The following DCHS2 variants were observed in gnomAD, a reference collection of about 807,000 sequenced individuals.
The protein encoded by DCHS2 is protocadherin-23.
Under a neutral mutation model 182.4 loss-of-function variants are expected in DCHS2, and 142 were observed. That is an observed-to-expected ratio of 0.78 (90% CI 0.68 to 0.89). DCHS2 has a LOEUF of 0.89. Among genes scored for constraint, DCHS2 ranks in the 40% least tolerant of loss-of-function variants. The pLI is 0.00. For missense variants in DCHS2, 4,319 were observed against 4,198.6 expected, an observed-to-expected ratio of 1.03 and a Z score of -0.79; for synonymous variants, 1,740 against 1,663.3, an observed-to-expected ratio of 1.05 and a Z score of -1.12.
intron 13 of DCHS2, among the ~76,000 whole-genome samples, chr4:154,275,193 T>A (rs181397284): frequency 2.0e-3 from 304 of 151,896 alleles, no homozygotes; most frequent in African/African-American, 5.2e-3. Context: ...AGGAAACAAG[T>A]GTGATATTGC....
chr4:154,328,083 T>C lies in DCHS2; in HGVS notation c.4018+10A>G. 3.8e-6 allele frequency: 6 copies of C among 1,583,438 alleles called. No homozygotes were observed. Among genetic ancestry groups the C allele is most frequent in the Non-Finnish European group, 5.2e-6 (6 of 1,163,142 alleles). On this transcript the variant is annotated intron_variant, in intron 7 of 19. Transcript: ENST00000357232. ...AAAGTTCTTAATCCCGTATGAACAG[T>C]AAGTTTTACCTGAAGATACTGAGTA...
intron 10 of DCHS2, 73 bp downstream of exon 10, chr4:154,315,675 T>C: frequency 2.6e-6 from 4 of 1,558,390 alleles, no homozygotes; most frequent in Non-Finnish European, 2.6e-6. Context: ...CCATAACTAT[T>C]ATAAATTACG....
chr4:154,332,607 C>A lies in DCHS2; in HGVS notation c.3601G>T (p.Glu1201Ter). ...ACCCCTTGGGGAACAGGGCTCTCTT[C>A]GACTTTCAAAAACAACACATCATGC... is the stretch of plus-strand genomic sequence containing the variant. ...FLHDVLFLKV[E>*]ESPVPQGVIG... The change falls in exon 5 of 20, where the codon GAA becomes TAA. Residue 1201 changes from glutamate (E) to a stop codon, truncating the protein, a stop_gained. Transcript: ENST00000357232. LOFTEE classifies it high-confidence loss of function. 1.2e-6 allele frequency: 2 copies of A among 1,614,184 alleles called. No individual in the cohort carries two copies. The highest frequency in any genetic ancestry group is 8.5e-7 in the Non-Finnish European group (1 of 1,180,048).
At chr4:154,431,176 A>G (rs929148858) in intron 1 of DCHS2, among the ~76,000 whole-genome samples, 1 of 152,196 alleles carries the variant, frequency 6.6e-6, no homozygotes, top group Non-Finnish European at 1.5e-5. Flanking sequence ...TCTTTACAAT[A>G]TTGAAAACTA....
intron 13 of DCHS2, among the ~76,000 whole-genome samples, chr4:154,291,944 A>G (rs1447284420): frequency 6.6e-6 from 1 of 152,168 alleles, no homozygotes; most frequent in Non-Finnish European, 1.5e-5. Flanking sequence ...AAAATTAGCT[A>G]AGAGTATAAC....
intron 1 of DCHS2, among the ~76,000 whole-genome samples, chr4:154,488,902 C>A (rs13120895): frequency 1.6e-5 from 1 of 62,248 alleles, no homozygotes; most frequent in East Asian, 5.0e-3. Context: ...GTGTGTGTGT[C>A]TGTGTGTGTG....
chr4:154,240,253 A>G (rs900657427), intron 18 of DCHS2, among the ~76,000 whole-genome samples: 6 of 152,084 alleles, frequency 3.9e-5, no homozygotes, highest in African/African-American at 1.4e-4. Context: ...GTGGTTTGCA[A>G]ATATTTGGCA....
In DCHS2 at chr4:154,235,538, C is replaced by A. The variant is rs747558129; in HGVS notation, c.9114G>T (p.Ala3038=). 1 of 1,613,922 alleles carries A rather than the reference C, an allele frequency of 6.2e-7. No individual in the cohort carries two copies. Among genetic ancestry groups the A allele is most frequent in the Non-Finnish European group, 8.5e-7 (1 of 1,179,972 alleles). ...YEEKKTSSLD[A]DLRVTRDASV... The stretch of plus-strand genomic sequence containing the variant: ...TGGCATCCCGGGTCACTCTCAAGTC[C>A]GCATCTAAAGATGAGGTTTTCTTCT... The change falls in exon 20 of 20, where the codon GCG becomes GCT. Residue 3038 remains alanine (A), a synonymous_variant. Coordinates refer to ENST00000357232, the MANE Select transcript of DCHS2 (RefSeq NM_001358235.2).
intron 12 of DCHS2, among the ~76,000 whole-genome samples, chr4:154,302,828 T>TTA (rs1004121840): frequency 2.7e-5 from 4 of 146,710 alleles, no homozygotes; most frequent in East Asian, 2.0e-4. Flanking sequence ...ATATATATAC[T>TTA]TATATATATA....
intron 13 of DCHS2, among the ~76,000 whole-genome samples, chr4:154,276,523 T>C (rs2111222102): frequency 6.6e-6 from 1 of 152,330 alleles, no homozygotes; most frequent in Admixed American, 6.5e-5. Flanking sequence ...TCTAGAGTTT[T>C]ATGTTTGTTA....
intron 16 of DCHS2, among the ~76,000 whole-genome samples, chr4:154,252,779 T>G (rs555594595): frequency 6.6e-6 from 1 of 152,254 alleles, no homozygotes; most frequent in South Asian, 2.1e-4. Context: ...TGAATATTAC[T>G]GCAATAAATT....
Position 154,235,926 on chromosome 4 carries a change from G to T in DCHS2, c.8726C>A (p.Ala2909Asp). The change falls in exon 20 of 20, where the codon GCT (alanine) becomes GAT (aspartate). Residue 2909 changes from alanine to aspartate, a missense_variant. Transcript: ENST00000357232. ...IGRVEASDAD[A>D]GIDGVILYSL... is the part of the protein sequence containing the mutation. ...GTAAAGAATGACTCCATCAATACCA[G>T]CATCTGCATCTGAGGCTTCCACTCT... The T allele has an allele frequency of 1.2e-6, 2 of 1,614,036 alleles. No individual in the cohort carries two copies. The highest frequency in any genetic ancestry group is 2.7e-5 in the African/African-American group (2 of 75,038).
intron 1 of DCHS2, among the ~76,000 whole-genome samples, chr4:154,419,597 C>A (rs1032403751): frequency 7.1e-6 from 1 of 140,254 alleles, no homozygotes; most frequent in African/African-American, 2.7e-5. Context: ...TTGCAGTGAG[C>A]CGAGATCACA....
chr4:154,470,373 A>G (rs1287781389), intron 1 of DCHS2, among the ~76,000 whole-genome samples: 2 of 152,046 alleles, frequency 1.3e-5, no homozygotes, highest in Non-Finnish European at 2.9e-5. Flanking sequence ...CTGTAGTCCT[A>G]GCTACTCAGG....
Position 154,315,954 on chromosome 4 carries a change from T to C in DCHS2, c.5054A>G (p.Glu1685Gly), listed in dbSNP as rs147054376. 3.2e-5 allele frequency: 52 copies of C among 1,613,950 alleles called. No homozygotes were observed. Among genetic ancestry groups the C allele is most frequent in the Non-Finnish European group, 4.4e-5 (52 of 1,179,982 alleles). The change falls in exon 10 of 20, where the codon GAA becomes GGA. Residue 1685 changes from glutamate to glycine, a missense_variant. Glu to Gly is a moderately conservative substitution (Grantham distance 98). Transcript: ENST00000357232. ...AGTCAGAATATGCTGAGTTTTCATT[T>C]CATAATCCAAAGGACAGGTTGTGGT... is the stretch of plus-strand genomic sequence containing the variant. The part of the protein sequence containing the change: ...LLTTTCPLDY[E>G]MKTQHILTVL...
intron 19 of DCHS2, among the ~76,000 whole-genome samples, chr4:154,238,276 T>C (rs920022876): frequency 3.9e-5 from 6 of 152,180 alleles, no homozygotes; most frequent in Non-Finnish European, 8.8e-5. Flanking sequence ...TACTTCTCCA[T>C]TTACAACACC....
chr4:154,481,539 G>A (rs922606160), intron 1 of DCHS2, among the ~76,000 whole-genome samples: 8 of 152,160 alleles, frequency 5.3e-5, no homozygotes, highest in African/African-American at 1.7e-4. Context: ...TTACAGACAA[G>A]AGCCACCATG....
At chr4:154,270,046 A>C (rs1733509201) in intron 13 of DCHS2, 33 bp from the exon 14 acceptor site, 1 of 1,565,300 alleles carries the variant, frequency 6.4e-7, no homozygotes, top group Non-Finnish European at 8.6e-7. Flanking sequence ...GAACTCCATT[A>C]GGATAAAAAA....
In DCHS2 at chr4:154,373,833, G is replaced by A. The variant is rs1286164224; in HGVS notation, c.2244+3420C>T. On this transcript the variant is annotated intron_variant, in intron 2 of 19. Coordinates refer to ENST00000357232, the MANE Select transcript of DCHS2 (RefSeq NM_001358235.2). ...TGGAGAAGGTGTGCAAGCACTCAGG[G>A]GAGAAGGAAAACTCGAAGCTCTGAC... 7 of 1,068,224 alleles carry A rather than the reference G, an allele frequency of 6.6e-6. No homozygotes were observed. The African/African-American group carries it at 7.9e-5, about 12-fold the overall frequency. The allele number at this position is 1,068,224 out of a possible 1,614,324, so 66.2% of individuals were successfully genotyped here.
Sources: allele counts gnomAD v4.1 joint callset (sites outside exome capture counted in the v4.1 genomes callset), GRCh38; gene constraint gnomAD v4.1.1; transcripts MANE v1.5; gene names NCBI Gene and HGNC (gene_info 2026-07-23, HGNC 2026-07-21).